PLCB1: variants seen among roughly 807,000 people sequenced by gnomAD.
PLCB1 encodes 1-phosphatidylinositol 4,5-bisphosphate phosphodiesterase beta-1.
Under a neutral mutation model 161.8 loss-of-function variants are expected in PLCB1, and 46 were observed. The ratio of observed to expected loss-of-function variants is 0.28; its 90% CI spans 0.22 to 0.36. PLCB1 has a LOEUF of 0.36. Ranked by LOEUF, PLCB1 falls within the 10% of genes least tolerant of loss-of-function variation. PLCB1 has a pLI of 1.00. For synonymous variants in PLCB1, 517 were observed against 503.7 expected (o/e 1.03, Z -0.35); for missense variants, 1,016 against 1,472.5 (o/e 0.69, Z 5.07).
intron 31 of PLCB1, among the ~76,000 whole-genome samples, chr20:8,855,423 G>A (rs1365915029): frequency 6.6e-6 from 1 of 152,168 alleles, no homozygotes; most frequent in African/African-American, 2.4e-5. Context: ...AGCTGCAGCA[G>A]AACCTGTTCC....
intron 6 of PLCB1, among the ~76,000 whole-genome samples, chr20:8,648,281 C>T (rs1007945132): frequency 2.6e-5 from 4 of 152,192 alleles, no homozygotes; most frequent in Admixed American, 6.5e-5. Context: ...ACCTCAGTGC[C>T]TCTTTCTACC....
At chr20:8,289,776 A>T (rs1305466104) in intron 2 of PLCB1, among the ~76,000 whole-genome samples, 1 of 152,206 alleles carries the variant, frequency 6.6e-6, no homozygotes, top group Non-Finnish European at 1.5e-5. Flanking sequence ...AGCATGACTC[A>T]ATGGGAGACT....
At chr20:8,546,092 G>A (rs1251277952) in intron 3 of PLCB1, among the ~76,000 whole-genome samples, 7 of 151,986 alleles carry the variant, frequency 4.6e-5, no homozygotes, top group Admixed American at 6.6e-5. Context: ...CGAGGCGGAC[G>A]GATCACGAGG....
At chr20:8,678,265 A>T (rs1217790041) in intron 9 of PLCB1, among the ~76,000 whole-genome samples, 2 of 152,230 alleles carry the variant, frequency 1.3e-5, no homozygotes, top group Non-Finnish European at 2.9e-5. Flanking sequence ...ATAAAGACTG[A>T]ACACTGTAAC....
chr20:8,398,682 G>A (rs879133224), intron 3 of PLCB1, among the ~76,000 whole-genome samples: 3 of 152,088 alleles, frequency 2.0e-5, no homozygotes, highest in Non-Finnish European at 4.4e-5. Context: ...GCCCTATCAC[G>A]TTGGGGTTTA....
intron 2 of PLCB1, among the ~76,000 whole-genome samples, chr20:8,235,079 T>C (rs573670706): frequency 6.6e-6 from 1 of 152,260 alleles, no homozygotes; most frequent in East Asian, 1.9e-4. Context: ...TGTAACTTCC[T>C]TCTGGGTTAA....
intron 2 of PLCB1, among the ~76,000 whole-genome samples, chr20:8,162,577 T>C (rs1369707219): frequency 6.6e-6 from 1 of 152,238 alleles, no homozygotes; most frequent in Non-Finnish European, 1.5e-5. Context: ...ATTTCTCCTG[T>C]TAGAATGTTT....
At chr20:8,662,758 C>T (rs922340902) in intron 9 of PLCB1, among the ~76,000 whole-genome samples, 12 of 151,676 alleles carry the variant, frequency 7.9e-5, no homozygotes, top group Middle Eastern at 6.8e-3. Flanking sequence ...AGGCCCACAC[C>T]GAGTAGCAAA....
chr20:8,485,963 G>C (rs2122760092), intron 3 of PLCB1, among the ~76,000 whole-genome samples: 1 of 151,722 alleles, frequency 6.6e-6, no homozygotes, highest in African/African-American at 2.4e-5. Context: ...AGTTCCACAG[G>C]GCTGGAGAGG....
At chr20:8,577,591 T>G (rs73076128) in intron 3 of PLCB1, among the ~76,000 whole-genome samples, 1,905 of 152,212 alleles carry the variant, frequency 0.013, 18 homozygotes, top group Non-Finnish European at 0.02. Flanking sequence ...TGTGTCCTAG[T>G]TTAGTTTATA....
rs11468682 is a variant in PLCB1, at chr20:8,475,010, GACAC to G, written c.246+103580_246+103583del. 9.9e-3 allele frequency among the ~76,000 whole-genome samples: 1,461 copies of G among 147,616 alleles called. 27 individuals are homozygous for G. The highest frequency in any genetic ancestry group is 0.033 in the African/African-American group (1,334 of 40,164). ...GTCAAAAAACAAGATCACACACACA[GACAC>G]ACACACACACACACACACAGACACA... On this transcript the variant is annotated intron_variant, in intron 3 of 31. Transcript: ENST00000338037.
intron 9 of PLCB1, among the ~76,000 whole-genome samples, chr20:8,677,359 CGCACCATT>C (rs1990109683): frequency 6.6e-6 from 1 of 152,026 alleles, no homozygotes; most frequent in Non-Finnish European, 1.5e-5. Flanking sequence ...AAGCCGAGAT[CGCACCATT>C]GCACTCCAGC....
chr20:8,669,099 T>C (rs1409420430), intron 9 of PLCB1, among the ~76,000 whole-genome samples: 1 of 152,198 alleles, frequency 6.6e-6, no homozygotes, highest in African/African-American at 2.4e-5. Context: ...AATTCTAATA[T>C]CACAAATAAT....
intron 14 of PLCB1, among the ~76,000 whole-genome samples, chr20:8,721,458 A>C (rs1979628841): frequency 1.3e-5 from 2 of 152,244 alleles, no homozygotes; most frequent in Admixed American, 6.5e-5. Context: ...TGAAGCCCAT[A>C]GCTATGGAAG....
At chr20:8,402,485 G>T (rs1207417390) in intron 3 of PLCB1, among the ~76,000 whole-genome samples, 1 of 151,950 alleles carries the variant, frequency 6.6e-6, no homozygotes, top group Non-Finnish European at 1.5e-5. Context: ...TAAATAAAAG[G>T]AAACTAATTT....
intron 2 of PLCB1, among the ~76,000 whole-genome samples, chr20:8,217,653 G>A (rs1979204033): frequency 6.6e-6 from 1 of 152,166 alleles, no homozygotes; most frequent in Non-Finnish European, 1.5e-5. Flanking sequence ...AAGTTGTAAA[G>A]GAATGGTGCT....
chr20:8,558,423 T>A (rs1331517446), intron 3 of PLCB1, among the ~76,000 whole-genome samples: 2 of 150,254 alleles, frequency 1.3e-5, no homozygotes, highest in Non-Finnish European at 3.0e-5. Flanking sequence ...TAAAGAAAAA[T>A]GAACAGAACC....
intron 31 of PLCB1, among the ~76,000 whole-genome samples, chr20:8,822,356 T>C (rs1985474058): frequency 6.6e-6 from 1 of 152,314 alleles, no homozygotes; most frequent in Middle Eastern, 3.4e-3. Flanking sequence ...CGCTGCATAC[T>C]AAGAATACAG....
intron 3 of PLCB1, among the ~76,000 whole-genome samples, chr20:8,463,146 AGTGTGTGTGTGTGTGTGTGTGT>A (rs11472638): frequency 6.9e-6 from 1 of 144,680 alleles, no homozygotes; most frequent in Non-Finnish European, 1.5e-5. Context: ...AGTACAGAGC[AGTGTGTGTGTGTGTGTGTGTGT>A]GTGTGTGTGT....
Sources: gnomAD v4.1 joint callset for allele counts (sites outside exome capture counted in the v4.1 genomes callset) on GRCh38, gnomAD v4.1.1 for gene constraint, MANE v1.5 for transcripts, NCBI Gene and HGNC (gene_info 2026-07-23, HGNC 2026-07-21) for gene names.